Variants in RAD51B observed in about 807,000 individuals in gnomAD.
RAD51B encodes RAD51 paralog B.
Under a neutral mutation model 42.2 loss-of-function variants are expected in RAD51B, and 38 were observed. That is an observed-to-expected ratio of 0.90 (90% confidence interval 0.70 to 1.18). RAD51B has a LOEUF of 1.18. RAD51B is among the 50% of genes most tolerant of loss of function. RAD51B has a pLI of 0.00. For missense variants in RAD51B, 373 were observed against 400.7 expected, an observed-to-expected ratio of 0.93 and a Z score of 0.59; for synonymous variants, 154 against 145.2, an observed-to-expected ratio of 1.06 and a Z score of -0.43.
intron 7 of RAD51B, among the ~76,000 whole-genome samples, chr14:68,139,654 A>G (rs985651802): frequency 2.0e-5 from 3 of 152,098 alleles, no homozygotes; most frequent in African/African-American, 7.2e-5. Flanking sequence ...CCATCCCACA[A>G]TTTCTCCCAC....
At chr14:68,631,789 G>A (rs780989243) in intron 10 of RAD51B, among the ~76,000 whole-genome samples, 1 of 152,144 alleles carries the variant, frequency 6.6e-6, no homozygotes, top group Non-Finnish European at 1.5e-5. Context: ...CCTTGAAGAC[G>A]CCGCTCAGGC....
intron 8 of RAD51B, among the ~76,000 whole-genome samples, chr14:68,331,250 T>C (rs950847602): frequency 1.3e-5 from 2 of 150,914 alleles, no homozygotes; most frequent in African/African-American, 4.9e-5. Flanking sequence ...TAATCCTAGC[T>C]ACTCGGGAGG....
chr14:68,216,400 C>T (rs1401003865), intron 7 of RAD51B, among the ~76,000 whole-genome samples: 4 of 152,102 alleles, frequency 2.6e-5, no homozygotes, highest in African/African-American at 9.7e-5. Flanking sequence ...TCATGACAGC[C>T]CTAGGAGATA....
intron 7 of RAD51B, among the ~76,000 whole-genome samples, chr14:68,216,438 A>G (rs1400974032): frequency 6.6e-6 from 1 of 152,206 alleles, no homozygotes; most frequent in Non-Finnish European, 1.5e-5. Flanking sequence ...CTGACAGTTA[A>G]GGAAATTGAA....
At chr14:68,497,062 A>G in intron 10 of RAD51B, 3 of 1,306,592 alleles carry the variant, frequency 2.3e-6, no homozygotes, top group Non-Finnish European at 3.1e-6. Flanking sequence ...AGTAGGCTTT[A>G]TGCAAGCCTT....
At chr14:67,923,298 C>CT (rs34809964) in intron 7 of RAD51B, among the ~76,000 whole-genome samples, 8,707 of 123,426 alleles carry the variant, frequency 0.071, 771 homozygotes, top group African/African-American at 0.2. Flanking sequence ...TTTTCTTTTT[C>CT]TTTTTTTTTT....
chr14:68,192,875 A>C (rs1237806309), intron 7 of RAD51B, among the ~76,000 whole-genome samples: 2 of 152,164 alleles, frequency 1.3e-5, no homozygotes, highest in East Asian at 3.8e-4. Context: ...ATAATTACGT[A>C]AATTGATTTT....
intron 7 of RAD51B, among the ~76,000 whole-genome samples, chr14:68,279,287 A>G (rs760602307): frequency 2.9e-4 from 44 of 152,360 alleles, no homozygotes; most frequent in Admixed American, 1.6e-3. Context: ...GCATGTGGGC[A>G]TCTGTTCTCG....
intron 9 of RAD51B, chr14:68,421,925 T>C: frequency 6.4e-7 from 1 of 1,568,438 alleles, no homozygotes; most frequent in African/African-American, 1.4e-5. Flanking sequence ...CTGTATGCTT[T>C]AGGATGAAGT....
At chr14:68,100,132 G>T (rs984527994) in intron 7 of RAD51B, among the ~76,000 whole-genome samples, 1 of 152,080 alleles carries the variant, frequency 6.6e-6, no homozygotes, top group Non-Finnish European at 1.5e-5. Context: ...GTCTACATGG[G>T]TAAGCTTGAT....
chr14:68,339,151 C>T, intron 8 of RAD51B: 1 of 725,534 alleles, frequency 1.4e-6, no homozygotes, highest in Non-Finnish European at 2.5e-6. Flanking sequence ...GTGGGGATGT[C>T]CCCTTTGCTG....
intron 8 of RAD51B, among the ~76,000 whole-genome samples, chr14:68,366,631 A>T (rs1052703375): frequency 6.6e-6 from 1 of 152,234 alleles, no homozygotes; most frequent in Non-Finnish European, 1.5e-5. Context: ...TGCACAGAAG[A>T]AAGTTCCGTT....
At chr14:68,500,000 C>G (rs1360824779) in intron 10 of RAD51B, among the ~76,000 whole-genome samples, 1 of 152,154 alleles carries the variant, frequency 6.6e-6, no homozygotes, top group African/African-American at 2.4e-5. Flanking sequence ...AGAATCTGGT[C>G]GTCTAGAAAA....
chr14:68,146,590 G>A (rs1389012871), intron 7 of RAD51B, among the ~76,000 whole-genome samples: 1 of 152,126 alleles, frequency 6.6e-6, no homozygotes, highest in Non-Finnish European at 1.5e-5. Context: ...ACAGAATTTT[G>A]CTTCTCTATT....
chr14:68,417,743 T>G (rs1373944020), intron 9 of RAD51B, among the ~76,000 whole-genome samples: 1 of 152,226 alleles, frequency 6.6e-6, no homozygotes, highest in African/African-American at 2.4e-5. Context: ...ACATTTGAGA[T>G]AAGAATACCT....
chr14:68,538,624 C>T (rs1887779675), intron 10 of RAD51B, among the ~76,000 whole-genome samples: 1 of 151,250 alleles, frequency 6.6e-6, no homozygotes, highest in African/African-American at 2.4e-5. Flanking sequence ...TTGGCTAGCA[C>T]ACCGCTTTTT....
At chr14:68,030,437 T>C (rs1210626778) in intron 7 of RAD51B, among the ~76,000 whole-genome samples, 1 of 152,226 alleles carries the variant, frequency 6.6e-6, no homozygotes, top group Non-Finnish European at 1.5e-5. Flanking sequence ...ACTTCTATAA[T>C]ATGTTATGGA....
At chr14:67,886,076 C>T in intron 6 of RAD51B, 88 bp downstream of exon 6, 1 of 1,144,076 alleles carries the variant, frequency 8.7e-7, no homozygotes, top group Non-Finnish European at 1.2e-6. Flanking sequence ...TGAAAAAAGT[C>T]TTTATAGGTT....
rs1893314788 is a variant in RAD51B, at chr14:68,676,773, A to T, written c.*11+25917A>T. On this transcript the variant is annotated intron_variant, in intron 11 of 11. Transcript: ENST00000488612. ...AAGCAAAGAGCCCAGTGTGTTTTGCAGGCGTCCATTCATGAGCTTAGCTCC... is the reference window on the plus strand; with the variant it reads ...AAGCAAAGAGCCCAGTGTGTTTTGCTGGCGTCCATTCATGAGCTTAGCTCC... Among the ~76,000 whole-genome samples, 11 of 152,364 alleles carry T rather than the reference A, an allele frequency of 7.2e-5. No individual in the cohort carries two copies. In the South Asian group the frequency reaches 2.3e-3, roughly 32 times the overall value.
Sources: allele counts gnomAD v4.1 joint callset (sites outside exome capture counted in the v4.1 genomes callset), GRCh38; gene constraint gnomAD v4.1.1; transcripts MANE v1.5; gene names NCBI Gene and HGNC (gene_info 2026-07-23, HGNC 2026-07-21).